The following DGCR2 variants were observed in gnomAD, a reference collection of about 807,000 sequenced individuals.
The protein encoded by DGCR2 is DiGeorge syndrome critical region gene 2.
In DGCR2, 24 loss-of-function variants were observed where a neutral mutation model predicts 51.6. The ratio of observed to expected loss-of-function variants is 0.47; its 90% CI spans 0.34 to 0.65. The LOEUF is 0.65. Ranked by LOEUF, DGCR2 falls within the 30% of genes least tolerant of loss-of-function variation. The pLI is 0.01. For synonymous variants in DGCR2, 340 were observed against 315.4 expected, an observed-to-expected ratio of 1.08 and a Z score of -0.82; for missense variants, 765 against 772.1, an observed-to-expected ratio of 0.99 and a Z score of 0.11.
At position 19,065,348 on chromosome 22, in the gene DGCR2, T is replaced by C. The variant is rs1256354010; in HGVS notation, c.329-281A>G. On this transcript the variant is annotated intron_variant, in intron 3 of 9. Coordinates refer to ENST00000263196, the MANE Select transcript of DGCR2 (RefSeq NM_005137.3). ...TCAAGAACGGCTGCTGAATTAAGTC[T>C]TGTAAAGTGGATTTCATTCTCTGGG... is the stretch of plus-strand genomic sequence containing the variant. 3.9e-5 allele frequency among the ~76,000 whole-genome samples: 6 copies of C among 152,362 alleles called. No individual in the cohort carries two copies. In the East Asian group the frequency reaches 9.6e-4, roughly 24 times the overall value.
intron 1 of DGCR2, among the ~76,000 whole-genome samples, chr22:19,115,659 C>A (rs925084835): frequency 7.2e-5 from 11 of 152,214 alleles, no homozygotes; most frequent in Non-Finnish European, 1.3e-4. Context: ...CCTGACCAGG[C>A]CCAGGTGACA....
At chr22:19,099,733 G>A (rs1216579924) in intron 1 of DGCR2, among the ~76,000 whole-genome samples, 6 of 152,068 alleles carry the variant, frequency 3.9e-5, no homozygotes, top group Non-Finnish European at 1.5e-5. Flanking sequence ...CACTTTGGGA[G>A]GCCAAGGCAC....
chr22:19,122,381 C>T lies in DGCR2; in HGVS notation c.-175G>A, dbSNP rs1471494637. 1.1e-5 allele frequency: 5 copies of T among 469,200 alleles called. 1 individual carries two copies. The South Asian group carries it at 1.7e-4, about 16-fold the overall frequency. The allele number at this position is 469,200 out of a possible 1,614,324, so 29.1% of individuals were successfully genotyped here. A position where few individuals can be genotyped will look rare whatever the true frequency, so the allele number is the denominator to read the frequency against. ...GGCTGGCGCACACTCTCGGCTGCAACCTCAGGCACCGACTCCAGCTGCGCG... is the reference window on the plus strand; with the variant it reads ...GGCTGGCGCACACTCTCGGCTGCAATCTCAGGCACCGACTCCAGCTGCGCG... On this transcript the variant is annotated 5_prime_UTR_variant, in exon 1 of 10. Transcript: ENST00000263196.
chr22:19,060,775 G>T, intron 5 of DGCR2: 1 of 444,444 alleles, frequency 2.3e-6, no homozygotes, highest in Non-Finnish European at 4.5e-6. Flanking sequence ...AACCTGCAGG[G>T]TCTTGGCCCC....
chr22:19,115,231 G>A (rs952033604), intron 1 of DGCR2, among the ~76,000 whole-genome samples: 2 of 152,228 alleles, frequency 1.3e-5, no homozygotes, highest in Admixed American at 6.5e-5. Flanking sequence ...TCAAAGCCAG[G>A]TGCCAGCAAG....
chr22:19,107,140 AACC>A (rs111759233), intron 1 of DGCR2, among the ~76,000 whole-genome samples: 2,208 of 152,224 alleles, frequency 0.015, 27 homozygotes, highest in Non-Finnish European at 0.016. Flanking sequence ...CCAAACACAT[AACC>A]ACCAAACCCA....
rs1391835416 is a variant in DGCR2 at position 19,038,526 on chromosome 22, G to C, written c.*339C>G. On this transcript the variant is annotated 3_prime_UTR_variant, in exon 10 of 10. Coordinates refer to ENST00000263196, the MANE Select transcript of DGCR2 (RefSeq NM_005137.3). ...TGCACCAAGTAAGCCCACCAAAAAC[G>C]CATCAGGTGTGGCCATGGCCCACAG... 3.2e-6 allele frequency: 1 copy of C among 308,684 alleles called. No homozygotes were observed. The highest frequency in any genetic ancestry group is 6.0e-6 in the Non-Finnish European group (1 of 165,314). The allele number at this position is 308,684 out of a possible 1,614,324, so 19.1% of individuals were successfully genotyped here. A position where few individuals can be genotyped will look rare whatever the true frequency, so the allele number is the denominator to read the frequency against.
intron 6 of DGCR2, among the ~76,000 whole-genome samples, chr22:19,050,655 A>G (rs897539781): frequency 6.6e-6 from 1 of 152,248 alleles, no homozygotes; most frequent in Non-Finnish European, 1.5e-5. Flanking sequence ...TATTGGGTCT[A>G]TGACATACAA....
At chr22:19,112,803 C>A (rs2083330784) in intron 1 of DGCR2, among the ~76,000 whole-genome samples, 1 of 144,004 alleles carries the variant, frequency 6.9e-6, no homozygotes, top group African/African-American at 2.6e-5. Context: ...ATCCAAGTAG[C>A]TTTTGAACCC....
intron 3 of DGCR2, among the ~76,000 whole-genome samples, chr22:19,067,491 G>A (rs1004563968): frequency 2.0e-5 from 3 of 151,990 alleles, no homozygotes; most frequent in Non-Finnish European, 4.4e-5. Flanking sequence ...TCAGGAGTTC[G>A]AGACCAGCCT....
intron 5 of DGCR2, 97 bp downstream of exon 5, chr22:19,063,104 AC>A: frequency 2.5e-6 from 3 of 1,186,124 alleles, no homozygotes; most frequent in Non-Finnish European, 3.7e-6. Flanking sequence ...CAGCACCCCT[AC>A]GGGCCAGGCA....
At chr22:19,077,248 T>C (rs1328973424) in intron 2 of DGCR2, among the ~76,000 whole-genome samples, 1 of 152,248 alleles carries the variant, frequency 6.6e-6, no homozygotes, top group Non-Finnish European at 1.5e-5. Context: ...AAGTGTCTTA[T>C]GTAAGAAATC....
At chr22:19,096,379 T>C (rs1352835138) in intron 1 of DGCR2, among the ~76,000 whole-genome samples, 2 of 152,178 alleles carry the variant, frequency 1.3e-5, no homozygotes, top group African/African-American at 2.4e-5. Context: ...GGTTGGTTAA[T>C]AGGTACAAAA....
rs145050371 is a variant in DGCR2, at chr22:19,100,977, G to A, written c.80-11487C>T. Among the ~76,000 whole-genome samples the A allele has an allele frequency of 1.6e-4, 24 of 151,950 alleles. No individual in the cohort carries two copies. In the East Asian group the frequency reaches 3.3e-3, roughly 21 times the overall value. ...AAAAATCAGCCGGGCGTGGTGGCAC[G>A]CTCCTGTAGTCCCAGCTACTCGGGA... On this transcript the variant is annotated intron_variant, in intron 1 of 9. Transcript: ENST00000263196.
chr22:19,121,452 G>C (rs1282227181), intron 1 of DGCR2: 1 of 152,194 alleles, frequency 6.6e-6, no homozygotes, highest in African/African-American at 2.4e-5. Flanking sequence ...GAAATAGGTA[G>C]AAAAGGGTCT....
chr22:19,082,121 C>T (rs999718684), intron 2 of DGCR2, among the ~76,000 whole-genome samples: 6 of 147,618 alleles, frequency 4.1e-5, no homozygotes, highest in African/African-American at 1.5e-4. Flanking sequence ...AATCTCGGCT[C>T]ACTGCAGCCT....
rs201586022 is a variant in DGCR2 at position 19,063,195 on chromosome 22, G to T, written c.625+7C>A. ...TTCAAACACTCCCACACACCAGAAG[G>T]GCTCACCTTTGAATGCCACCTCCCA... On this transcript the variant is annotated splice_region_variant and intron_variant, in intron 5 of 9. Transcript: ENST00000263196. The T allele has an allele frequency of 6.2e-7, 1 of 1,613,858 alleles. No homozygotes were observed. The highest frequency in any genetic ancestry group is 2.2e-5 in the East Asian group (1 of 44,860).
intron 2 of DGCR2, among the ~76,000 whole-genome samples, chr22:19,074,479 T>C (rs1430900220): frequency 6.6e-6 from 1 of 150,926 alleles, no homozygotes; most frequent in Non-Finnish European, 1.5e-5. Context: ...TGCTCCTGCA[T>C]GGCCCAGCTA....
At position 19,101,913 on chromosome 22, in the gene DGCR2, G is replaced by A. The variant is rs531078903; in HGVS notation, c.80-12423C>T. Reference sequence around the variant, plus strand: ...CTACTAAAAATACAAAAATTAGCTGGGTATGGTGGCACACGCCTGTAATCC... The same window carrying A: ...CTACTAAAAATACAAAAATTAGCTGAGTATGGTGGCACACGCCTGTAATCC... On this transcript the variant is annotated intron_variant, in intron 1 of 9. Coordinates refer to ENST00000263196, the MANE Select transcript of DGCR2 (RefSeq NM_005137.3). Among the ~76,000 whole-genome samples the A allele has an allele frequency of 2.0e-5, 3 of 151,766 alleles. No homozygotes were observed. In the East Asian group the frequency reaches 5.8e-4, roughly 29 times the overall value.
Sources: allele counts gnomAD v4.1 joint callset (sites outside exome capture counted in the v4.1 genomes callset), GRCh38; gene constraint gnomAD v4.1.1; transcripts MANE v1.5; gene names NCBI Gene and HGNC (gene_info 2026-07-23, HGNC 2026-07-21).